KIAA1549: variants seen among roughly 807,000 people sequenced by gnomAD.
KIAA1549 encodes the protein KIAA1549.
In KIAA1549, 70 loss-of-function variants were observed where a neutral mutation model predicts 156.4. That is an observed-to-expected ratio of 0.45 (90% CI 0.37 to 0.55). The LOEUF is 0.55. Ranked by LOEUF, KIAA1549 falls within the 20% of genes least tolerant of loss-of-function variation. KIAA1549 has a pLI of 0.00. For missense variants in KIAA1549, 2,428 were observed against 2,540.9 expected, an observed-to-expected ratio of 0.96 and a Z score of 0.96; for synonymous variants, 1,103 against 1,066.4, an observed-to-expected ratio of 1.03 and a Z score of -0.67.
intron 1 of KIAA1549, among the ~76,000 whole-genome samples, chr7:138,946,832 TATG>T (rs1223140503): frequency 6.6e-6 from 1 of 152,126 alleles, no homozygotes; most frequent in African/African-American, 2.4e-5. Flanking sequence ...TTCCCCAAAC[TATG>T]ATGACAACAA....
intron 1 of KIAA1549, among the ~76,000 whole-genome samples, chr7:138,947,041 T>C (rs1166609862): frequency 2.0e-5 from 3 of 152,040 alleles, no homozygotes; most frequent in African/African-American, 7.3e-5. Context: ...ACTGGGATTT[T>C]ATCTACTTCC....
chr7:138,893,871 G>C (rs1811608626), intron 10 of KIAA1549, among the ~76,000 whole-genome samples: 2 of 152,250 alleles, frequency 1.3e-5, no homozygotes, highest in African/African-American at 4.8e-5. Flanking sequence ...AGGAGTTCGA[G>C]ACCAGCCTCG....
At chr7:138,888,740 G>A (rs1272352310) in intron 10 of KIAA1549, among the ~76,000 whole-genome samples, 1 of 152,192 alleles carries the variant, frequency 6.6e-6, no homozygotes, top group Non-Finnish European at 1.5e-5. Flanking sequence ...GTGTGATTAA[G>A]ATGATTCCTT....
intron 15 of KIAA1549, among the ~76,000 whole-genome samples, chr7:138,861,806 G>A (rs374946713): frequency 6.6e-5 from 10 of 152,070 alleles, no homozygotes; most frequent in African/African-American, 1.9e-4. Flanking sequence ...AGGAATTTGA[G>A]CTTTCAGTAA....
intron 1 of KIAA1549, among the ~76,000 whole-genome samples, chr7:138,976,979 A>T (rs550727687): frequency 3.9e-5 from 6 of 152,218 alleles, no homozygotes; most frequent in African/African-American, 1.4e-4. Flanking sequence ...GAAACATTTA[A>T]GTATTTGTTT....
chr7:138,877,801 G>A (rs9918611), intron 12 of KIAA1549, among the ~76,000 whole-genome samples: 26,871 of 152,096 alleles, frequency 0.18, 3,807 homozygotes, highest in African/African-American at 0.39. Flanking sequence ...TCACATTCAA[G>A]CTCTCGGTCC....
At chr7:138,978,876 C>T (rs1563101715) in intron 1 of KIAA1549, among the ~76,000 whole-genome samples, 1 of 152,204 alleles carries the variant, frequency 6.6e-6, no homozygotes. Flanking sequence ...GGATCAACAG[C>T]ACCGCCCAGG....
At position 138,918,042 on chromosome 7, in the gene KIAA1549, G is replaced by C; in HGVS notation, c.1584C>G (p.Leu528=). The part of the protein sequence containing the change: ...TTQVPPAHGR[L]SVPASLDPTA... Reference sequence around the variant, plus strand: ...TAGGATCAAGTGACGCCGGCACAGAGAGGCGGCCGTGGGCAGGGGGAACCT... The same window carrying C: ...TAGGATCAAGTGACGCCGGCACAGACAGGCGGCCGTGGGCAGGGGGAACCT... Residue 528 remains leucine, a synonymous_variant, in exon 2 of 20, where the codon CTC becomes CTG. Transcript: ENST00000422774. This position sits in a 1 kb window ranked among gnomAD's most constrained non-coding sequence, Gnocchi z 4.2. The C allele has an allele frequency of 6.2e-7, 1 of 1,611,460 alleles. No individual in the cohort carries two copies. The highest frequency in any genetic ancestry group is 8.5e-7 in the Non-Finnish European group (1 of 1,178,756).
chr7:138,843,603 ATG>A (rs1809984986), intron 18 of KIAA1549, among the ~76,000 whole-genome samples: 1 of 152,212 alleles, frequency 6.6e-6, no homozygotes, highest in African/African-American at 2.4e-5. Context: ...TTCCTTTTGA[ATG>A]TTATCAAACA....
intron 8 of KIAA1549, among the ~76,000 whole-genome samples, chr7:138,901,272 T>C (rs1230551254): frequency 2.0e-5 from 3 of 152,148 alleles, no homozygotes; most frequent in African/African-American, 7.2e-5. Context: ...ATGAATTCTG[T>C]ATTAACATTT....
chr7:138,871,514 C>T (rs912852572), intron 12 of KIAA1549, among the ~76,000 whole-genome samples, 152 bp from the exon 13 acceptor site: 1 of 152,200 alleles, frequency 6.6e-6, no homozygotes, highest in Non-Finnish European at 1.5e-5. Flanking sequence ...TACAATTTCA[C>T]TCTCTGAGCT....
intron 16 of KIAA1549, among the ~76,000 whole-genome samples, chr7:138,856,922 C>T (rs1810410778): frequency 6.6e-6 from 1 of 152,160 alleles, no homozygotes. Flanking sequence ...AGGCATCTTC[C>T]AATCTGTTGA....
chr7:138,847,159 A>G (rs1810102201), intron 17 of KIAA1549, among the ~76,000 whole-genome samples: 1 of 152,080 alleles, frequency 6.6e-6, no homozygotes, highest in Non-Finnish European at 1.5e-5. Flanking sequence ...CCATCCCTCT[A>G]TTCTTAACAT....
At chr7:138,926,107 T>C (rs1812710386) in intron 1 of KIAA1549, among the ~76,000 whole-genome samples, 1 of 152,074 alleles carries the variant, frequency 6.6e-6, no homozygotes, top group Non-Finnish European at 1.5e-5. Context: ...CTTTTGCTTC[T>C]TTGCTAAATT....
intron 15 of KIAA1549, among the ~76,000 whole-genome samples, chr7:138,862,869 G>A (rs1287118043): frequency 2.0e-5 from 3 of 152,198 alleles, no homozygotes; most frequent in Non-Finnish European, 2.9e-5. Flanking sequence ...GGCAGAGGTT[G>A]CAGTGAACTG....
At chr7:138,904,481 G>A (rs1385945985) in intron 7 of KIAA1549, among the ~76,000 whole-genome samples, 4 of 152,144 alleles carry the variant, frequency 2.6e-5, no homozygotes, top group South Asian at 2.1e-4. Flanking sequence ...ATGCTCTCTC[G>A]TGCCCAGCTA....
At chr7:138,926,708 C>T (rs975310931) in intron 1 of KIAA1549, among the ~76,000 whole-genome samples, 1 of 152,104 alleles carries the variant, frequency 6.6e-6, no homozygotes, top group Admixed American at 6.5e-5. Context: ...AAGTGTCTTC[C>T]CCTTGTTTCT....
At chr7:138,884,031 C>T (rs558363800) in intron 10 of KIAA1549, among the ~76,000 whole-genome samples, 1 of 152,308 alleles carries the variant, frequency 6.6e-6, no homozygotes, top group East Asian at 1.9e-4. Context: ...CAGCCCCACC[C>T]CCCAACCTTC....
At chr7:138,904,379 G>A (rs1811947853) in intron 7 of KIAA1549, among the ~76,000 whole-genome samples, 1 of 152,188 alleles carries the variant, frequency 6.6e-6, no homozygotes, top group South Asian at 2.1e-4. Context: ...ACCATGCAAA[G>A]CGATAGGACC....
Sources: gnomAD v4.1 joint callset for allele counts (sites outside exome capture counted in the v4.1 genomes callset) on GRCh38, gnomAD v4.1.1 for gene constraint, Gnocchi (gnomAD v3.1) non-coding constraint, MANE v1.5 for transcripts, NCBI Gene and HGNC (gene_info 2026-07-23, HGNC 2026-07-21) for gene names.